CEP70: variants seen among roughly 807,000 people sequenced by gnomAD.
The protein encoded by CEP70 is centrosomal protein 70.
A neutral mutation model predicts 90.9 loss-of-function variants in CEP70; 70 were observed. The ratio of observed to expected loss-of-function variants is 0.77; its 90% CI spans 0.64 to 0.94. The LOEUF (loss-of-function observed/expected upper bound fraction) is 0.94. Among genes scored for constraint, CEP70 ranks in the 40% least tolerant of loss-of-function variants. The probability of loss-of-function intolerance (pLI) is 0.00; values close to 1 mark genes in which losing one functional copy is unlikely to be tolerated. For synonymous variants in CEP70, 220 were observed against 228.3 expected (o/e 0.96, Z 0.33); for missense variants, 648 against 669.0 (o/e 0.97, Z 0.35).
intron 7 of CEP70, among the ~76,000 whole-genome samples, chr3:138,533,206 G>A (rs1321824049): frequency 2.0e-5 from 3 of 151,782 alleles, no homozygotes; most frequent in Non-Finnish European, 2.9e-5. Flanking sequence ...ACTTGAACCC[G>A]GGAGGCGGAG....
chr3:138,566,748 G>A (rs1433472474), intron 6 of CEP70, among the ~76,000 whole-genome samples: 7 of 151,494 alleles, frequency 4.6e-5, no homozygotes, highest in Non-Finnish European at 8.8e-5. Flanking sequence ...ACCATGGCAC[G>A]TGTATACCTA....
At chr3:138,580,548 G>A (rs2041799386) in intron 2 of CEP70, among the ~76,000 whole-genome samples, 1 of 152,102 alleles carries the variant, frequency 6.6e-6, no homozygotes, top group East Asian at 1.9e-4. Flanking sequence ...TTCCCAAGAA[G>A]GATGGGTACA....
At chr3:138,587,558 G>A (rs879091651) in intron 2 of CEP70, among the ~76,000 whole-genome samples, 1 of 150,316 alleles carries the variant, frequency 6.7e-6, no homozygotes, top group African/African-American at 2.4e-5. Context: ...TGAGGCAGGA[G>A]GACAGCTTGA....
intron 11 of CEP70, among the ~76,000 whole-genome samples, chr3:138,515,968 T>A (rs183689961): frequency 5.3e-5 from 8 of 152,238 alleles, no homozygotes; most frequent in African/African-American, 1.7e-4. Context: ...CAACTCCCTA[T>A]ATTCAACCCA....
intron 11 of CEP70, among the ~76,000 whole-genome samples, chr3:138,522,268 G>A (rs1229067384): frequency 7.4e-6 from 1 of 135,428 alleles, no homozygotes; most frequent in South Asian, 2.4e-4. Flanking sequence ...AAAAACCCAA[G>A]AATGATCAAT....
chr3:138,576,691 C>T (rs1448157656), intron 2 of CEP70, among the ~76,000 whole-genome samples: 1 of 152,184 alleles, frequency 6.6e-6, no homozygotes, highest in East Asian at 1.9e-4. Flanking sequence ...AAATTGACCA[C>T]TTAGTTGGAA....
intron 6 of CEP70, among the ~76,000 whole-genome samples, chr3:138,540,194 T>C (rs182820949): frequency 6.6e-6 from 1 of 151,814 alleles, no homozygotes; most frequent in Admixed American, 6.6e-5. Flanking sequence ...CCAACAAGCA[T>C]ATTAAAAAAA....
intron 2 of CEP70, 126 bp downstream of exon 2, chr3:138,591,728 A>G: frequency 1.3e-6 from 1 of 795,712 alleles, no homozygotes; most frequent in South Asian, 1.6e-5. Flanking sequence ...TAAAATATCT[A>G]CCTGATAGGA....
Position 138,549,663 on chromosome 3 carries a change from G to A in CEP70, c.466-12316C>T, listed in dbSNP as rs115836358. Reference sequence around the variant, plus strand: ...TGAAGACAAAGAGCATATTCTCTTCGGAGTTCTAGGGCCCTGCCTACTGCC... The same window carrying A: ...TGAAGACAAAGAGCATATTCTCTTCAGAGTTCTAGGGCCCTGCCTACTGCC... On this transcript the variant is annotated intron_variant, in intron 6 of 17. Transcript: ENST00000264982. 3.9e-3 allele frequency among the ~76,000 whole-genome samples: 594 copies of A among 152,152 alleles called. 3 individuals are homozygous for A. Among genetic ancestry groups the A allele is most frequent in the African/African-American group, 0.014 (574 of 41,484 alleles).
At chr3:138,515,467 CAAAAAAAAA>C (rs145902706) in intron 11 of CEP70, among the ~76,000 whole-genome samples, 1 of 65,392 alleles carries the variant, frequency 1.5e-5, no homozygotes, top group African/African-American at 6.1e-5. Context: ...CATAGAAATG[CAAAAAAAAA>C]AAAAAAAAAA....
At chr3:138,577,982 A>T (rs545286719) in intron 2 of CEP70, among the ~76,000 whole-genome samples, 1 of 152,250 alleles carries the variant, frequency 6.6e-6, no homozygotes, top group Non-Finnish European at 1.5e-5. Flanking sequence ...TGCATCCCAC[A>T]TTAAAACAGA....
In CEP70 at chr3:138,500,607, T is replaced by A. The variant is rs763245965; in HGVS notation, c.1369-40A>T. The A allele has an allele frequency of 2.5e-5, 38 of 1,545,526 alleles. 1 individual carries two copies. In the South Asian group the frequency reaches 4.2e-4, roughly 17 times the overall value. On this transcript the variant is annotated intron_variant, in intron 14 of 17. Transcript: ENST00000264982. The stretch of plus-strand genomic sequence containing the variant: ...GGTAAAAAAGAAAGAGTTCATTATC[T>A]TAAAATAATCCCAAATAAAAACTTT...
At chr3:138,563,211 A>G (rs1174512349) in intron 6 of CEP70, among the ~76,000 whole-genome samples, 1 of 152,150 alleles carries the variant, frequency 6.6e-6, no homozygotes, top group Non-Finnish European at 1.5e-5. Context: ...AAGTTCTTAG[A>G]GACCTACAAA....
chr3:138,496,372 T>A (rs2033958390), intron 17 of CEP70: 1 of 985,298 alleles, frequency 1.0e-6, no homozygotes, highest in African/African-American at 1.7e-5. Context: ...TAACAAAGCA[T>A]CAAGATATGG....
chr3:138,547,592 A>C (rs1237001009), intron 6 of CEP70, among the ~76,000 whole-genome samples: 3 of 152,192 alleles, frequency 2.0e-5, no homozygotes. Context: ...TTTTCACTTA[A>C]AGGAAGTACT....
intron 16 of CEP70, chr3:138,499,836 C>A: frequency 3.2e-6 from 1 of 308,352 alleles, no homozygotes; most frequent in South Asian, 4.3e-5. Flanking sequence ...CGTGTGCTTA[C>A]AGTCACACAC....
intron 6 of CEP70, among the ~76,000 whole-genome samples, chr3:138,542,111 G>A (rs1451189813): frequency 1.3e-5 from 2 of 152,238 alleles, no homozygotes; most frequent in East Asian, 3.8e-4. Flanking sequence ...GCCAGGTGCA[G>A]AGCAGTGAGG....
intron 2 of CEP70, among the ~76,000 whole-genome samples, chr3:138,577,615 T>G (rs1206601885): frequency 6.6e-6 from 1 of 152,044 alleles, no homozygotes; most frequent in Non-Finnish European, 1.5e-5. Context: ...GCCACTGCAC[T>G]CCAGCCTGGG....
Position 138,519,332 on chromosome 3 carries a change from T to C in CEP70, c.944+6158A>G, listed in dbSNP as rs533603156. ...ATTCAAACTCAGGAAATACAGAGAA[T>C]GCCACAAAGATACTCCTCGAGAAGA... On this transcript the variant is annotated intron_variant, in intron 11 of 17. Coordinates refer to ENST00000264982, the MANE Select transcript of CEP70 (RefSeq NM_024491.4). Among the ~76,000 whole-genome samples, 3 of 152,150 alleles carry C rather than the reference T, an allele frequency of 2.0e-5. No homozygotes were observed. In the East Asian group the frequency reaches 5.8e-4, roughly 29 times the overall value.
Sources: allele counts gnomAD v4.1 joint callset (sites outside exome capture counted in the v4.1 genomes callset), GRCh38; gene constraint gnomAD v4.1.1; transcripts MANE v1.5; gene names NCBI Gene and HGNC (gene_info 2026-07-23, HGNC 2026-07-21).